CEP70: variants seen among roughly 807,000 people sequenced by gnomAD.
The protein encoded by CEP70 is centrosomal protein 70, also known as centrosomal protein of 70 kDa.
A neutral mutation model predicts 90.9 loss-of-function variants in CEP70; 70 were observed. The ratio of observed to expected loss-of-function variants is 0.77; its 90% CI spans 0.64 to 0.94. The LOEUF is 0.94. Among genes scored for constraint, CEP70 ranks in the 40% least tolerant of loss-of-function variants. The probability of loss-of-function intolerance (pLI) is 0.00; values close to 1 mark genes in which losing one functional copy is unlikely to be tolerated. For synonymous variants in CEP70, 220 were observed against 228.3 expected (o/e 0.96, Z 0.33); for missense variants, 648 against 669.0 (o/e 0.97, Z 0.35).
In CEP70 at chr3:138,554,759, G is replaced by T. The variant is rs557169121; in HGVS notation, c.465+15559C>A. 1.1e-4 allele frequency among the ~76,000 whole-genome samples: 16 copies of T among 152,242 alleles called. No homozygotes were observed. The South Asian group carries it at 2.9e-3, about 28-fold the overall frequency. ...GTACTTAAGAATATACCTAACCAAG[G>T]AGGTGAAAGACCTCTTCAGCAAATG... On this transcript the variant is annotated intron_variant, in intron 6 of 17. Transcript: ENST00000264982.
chr3:138,585,116 A>C (rs1163282637), intron 2 of CEP70, among the ~76,000 whole-genome samples: 1 of 152,158 alleles, frequency 6.6e-6, no homozygotes, highest in East Asian at 1.9e-4. Flanking sequence ...CCTTGTTTGC[A>C]GGTGACATGA....
rs778944652 is a variant in CEP70 at position 138,505,415 on chromosome 3, T to G, written c.1101A>C (p.Ile367=). Residue 367 remains isoleucine, a synonymous_variant, in exon 13 of 18, where the codon ATA becomes ATC. Coordinates refer to ENST00000264982, the MANE Select transcript of CEP70 (RefSeq NM_024491.4). ...SIIHNPRAPV[I]IYKQTKGGVQ... ...CTCCCCCTTTGGTCTGTTTATAAATTATTACTGGAGCTCTTGGATTGTGGA... is the reference window on the plus strand; with the variant it reads ...CTCCCCCTTTGGTCTGTTTATAAATGATTACTGGAGCTCTTGGATTGTGGA... 6 of 1,610,868 alleles carry G rather than the reference T, an allele frequency of 3.7e-6. No homozygotes were observed. The East Asian group carries it at 1.3e-4, about 36-fold the overall frequency.
intron 8 of CEP70, among the ~76,000 whole-genome samples, 189 bp downstream of exon 8, chr3:138,532,325 A>G (rs1047774045): frequency 2.0e-4 from 31 of 152,340 alleles, no homozygotes; most frequent in African/African-American, 7.2e-4. Context: ...ACATAATTTA[A>G]CATAAATACA....
intron 2 of CEP70, among the ~76,000 whole-genome samples, chr3:138,581,278 T>A (rs2041840607): frequency 2.3e-5 from 3 of 132,716 alleles, no homozygotes; most frequent in African/African-American, 5.8e-5. Flanking sequence ...TGAGACTCCA[T>A]CTCAAAAAAA....
At chr3:138,572,670 TA>T (rs777755480) in intron 3 of CEP70, among the ~76,000 whole-genome samples, 188 bp downstream of exon 3, 46 of 152,360 alleles carry the variant, frequency 3.0e-4, no homozygotes, top group Non-Finnish European at 5.9e-4. Context: ...TGCTGTATAC[TA>T]AATCCTCCCT....
intron 6 of CEP70, among the ~76,000 whole-genome samples, chr3:138,544,825 C>A (rs962856030): frequency 4.6e-5 from 7 of 152,070 alleles, no homozygotes; most frequent in Non-Finnish European, 8.8e-5. Flanking sequence ...ACAACTATTG[C>A]ACATTCTCAC....
At chr3:138,510,005 G>A (rs1211533093) in intron 11 of CEP70, among the ~76,000 whole-genome samples, 2 of 152,168 alleles carry the variant, frequency 1.3e-5, no homozygotes, top group African/African-American at 4.8e-5. Flanking sequence ...GTGAAAAGGT[G>A]AAAGTTCTCC....
chr3:138,517,397 C>T (rs374892414), intron 11 of CEP70, among the ~76,000 whole-genome samples: 4 of 152,066 alleles, frequency 2.6e-5, no homozygotes, highest in South Asian at 4.1e-4. Context: ...AGGCCAAGCG[C>T]GGTGACTCAT....
At chr3:138,509,238 C>T (rs1265371771) in intron 11 of CEP70, among the ~76,000 whole-genome samples, 1 of 152,116 alleles carries the variant, frequency 6.6e-6, no homozygotes, top group Non-Finnish European at 1.5e-5. Flanking sequence ...GCTCCAAGAT[C>T]ACAGACTACA....
chr3:138,583,306 A>G (rs1260656828), intron 2 of CEP70, among the ~76,000 whole-genome samples: 1 of 152,230 alleles, frequency 6.6e-6, no homozygotes, highest in Non-Finnish European at 1.5e-5. Context: ...GTACCCTGAT[A>G]TATAAAGCAA....
intron 6 of CEP70, among the ~76,000 whole-genome samples, chr3:138,541,664 AATAAT>A (rs1219905765): frequency 6.6e-6 from 1 of 152,214 alleles, no homozygotes; most frequent in African/African-American, 2.4e-5. Flanking sequence ...AGAATACTCT[AATAAT>A]ATAATTGTGG....
Position 138,571,114 on chromosome 3 carries a change from C to T in CEP70, c.204G>A (p.Gln68=). 6.2e-7 allele frequency: 1 copy of T among 1,603,080 alleles called. No homozygotes were observed. The highest frequency in any genetic ancestry group is 8.5e-7 in the Non-Finnish European group (1 of 1,171,290). The change falls in exon 5 of 18, where the codon CAG becomes CAA. Residue 68 remains glutamine, a synonymous_variant. Coordinates refer to ENST00000264982, the MANE Select transcript of CEP70 (RefSeq NM_024491.4). The part of the protein sequence containing the change: ...FDKQSSQRMR[Q]NLKLLVEETS... Reference sequence around the variant, plus strand: ...TTTCTTCCACCAACAATTTCAAATTCTGTCTCATCCTTTGTGATGACTGTT... The same window carrying T: ...TTTCTTCCACCAACAATTTCAAATTTTGTCTCATCCTTTGTGATGACTGTT...
intron 12 of CEP70, among the ~76,000 whole-genome samples, chr3:138,505,669 A>G (rs1301017292): frequency 6.6e-6 from 1 of 152,192 alleles, no homozygotes; most frequent in African/African-American, 2.4e-5. Flanking sequence ...GAAGACCCAG[A>G]AAAGGTAATG....
chr3:138,513,335 C>T (rs1372592249), intron 11 of CEP70, among the ~76,000 whole-genome samples: 1 of 152,176 alleles, frequency 6.6e-6, no homozygotes, highest in African/African-American at 2.4e-5. Flanking sequence ...TTAGGGGCCT[C>T]TTTACTTGGA....
rs2034066942 is a variant in CEP70 at position 138,497,631 on chromosome 3, G to T, written c.1732+400C>A. ...TTATGTTACTTCATATAACCAGAGA[G>T]GAAATATTATTTGTATATTTAAAAA... On this transcript the variant is annotated intron_variant, in intron 17 of 17. Coordinates refer to ENST00000264982, the MANE Select transcript of CEP70 (RefSeq NM_024491.4). 3.1e-6 allele frequency: 3 copies of T among 958,602 alleles called. No individual in the cohort carries two copies. The African/African-American group carries it at 5.3e-5, about 17-fold the overall frequency. The allele number at this position is 958,602 out of a possible 1,614,324, so 59.4% of individuals were successfully genotyped here.
intron 11 of CEP70, among the ~76,000 whole-genome samples, chr3:138,524,078 A>T: frequency 7.7e-6 from 1 of 129,166 alleles, no homozygotes; most frequent in Admixed American, 7.3e-5. Flanking sequence ...CCACATATCA[A>T]CAACCATCTG....
chr3:138,569,124 G>C (rs1203217710), intron 6 of CEP70, among the ~76,000 whole-genome samples: 3 of 152,092 alleles, frequency 2.0e-5, no homozygotes, highest in Non-Finnish European at 2.9e-5. Context: ...CCTGCCCCAA[G>C]CTGGCACATA....
At position 138,571,159 on chromosome 3, in the gene CEP70, T is replaced by C. The variant is rs2041147799; in HGVS notation, c.161-2A>G. 6.3e-7 allele frequency: 1 copy of C among 1,585,438 alleles called. No individual in the cohort carries two copies. The highest frequency in any genetic ancestry group is 8.6e-7 in the Non-Finnish European group (1 of 1,164,292). The stretch of plus-strand genomic sequence containing the variant: ...ACTGTTTGTCAAAAATGATGAGATC[T>C]ACATTTAAAAAGTATATAATACAGA... On this transcript the variant is annotated splice_acceptor_variant, in intron 4 of 17. Transcript: ENST00000264982. LOFTEE classifies it high-confidence loss of function.
chr3:138,584,854 G>A (rs988565974), intron 2 of CEP70, among the ~76,000 whole-genome samples: 9 of 151,782 alleles, frequency 5.9e-5, no homozygotes, highest in Admixed American at 1.3e-4. Flanking sequence ...ACACTGAATC[G>A]GGAAAAACTG....
Sources: allele counts gnomAD v4.1 joint callset (sites outside exome capture counted in the v4.1 genomes callset), GRCh38; gene constraint gnomAD v4.1.1; transcripts MANE v1.5; gene names NCBI Gene and HGNC (gene_info 2026-07-23, HGNC 2026-07-21).